Variants in SUGCT observed in about 807,000 individuals in gnomAD.
SUGCT encodes succinyl-CoA:glutarate-CoA transferase, also known as succinyl-CoA:glutarate CoA-transferase.
A neutral mutation model predicts 55.0 loss-of-function variants in SUGCT; 41 were observed. That is an observed-to-expected ratio of 0.74 (90% CI 0.58 to 0.97). The LOEUF is 0.97. SUGCT is among the 50% of genes least tolerant of loss of function. The pLI is 0.00. For synonymous variants in SUGCT, 187 were observed against 200.4 expected (o/e 0.93, Z 0.56); for missense variants, 568 against 547.8 (o/e 1.04, Z -0.37).
intron 13 of SUGCT, among the ~76,000 whole-genome samples, chr7:40,851,495 A>T (rs1230384102): frequency 6.6e-6 from 1 of 152,144 alleles, no homozygotes; most frequent in Non-Finnish European, 1.5e-5. Context: ...CATTTTGTCT[A>T]CTGCCAGCTC....
intron 9 of SUGCT, among the ~76,000 whole-genome samples, chr7:40,440,869 G>A (rs568343645): frequency 1.3e-5 from 2 of 151,946 alleles, no homozygotes; most frequent in Non-Finnish European, 2.9e-5. Context: ...ATGTGAGGAG[G>A]ATCTCTTAAA....
chr7:40,461,114 AG>A (rs1434368730), intron 11 of SUGCT, among the ~76,000 whole-genome samples: 1 of 152,226 alleles, frequency 6.6e-6, no homozygotes, highest in Non-Finnish European at 1.5e-5. Flanking sequence ...CCTCCACGGT[AG>A]TTCAAATAGT....
chr7:40,399,179 A>G (rs1785925224), intron 9 of SUGCT, among the ~76,000 whole-genome samples: 1 of 152,154 alleles, frequency 6.6e-6, no homozygotes. Flanking sequence ...GCAGGATGGT[A>G]TTTATACTAA....
the SUGCT span, among the ~76,000 whole-genome samples, chr7:40,899,836 T>C: frequency 6.6e-6 from 1 of 152,190 alleles, no homozygotes; most frequent in African/African-American, 2.4e-5. Context: ...AATTGAGTCT[T>C]TAACCTGCCA....
intron 6 of SUGCT, among the ~76,000 whole-genome samples, chr7:40,228,417 T>G (rs1043001866): frequency 1.3e-5 from 2 of 152,170 alleles, no homozygotes; most frequent in African/African-American, 4.8e-5. Flanking sequence ...TCTGTTGTGT[T>G]TTTTGATTTT....
At chr7:40,931,127 A>G in the SUGCT span, among the ~76,000 whole-genome samples, 1 of 152,214 alleles carries the variant, frequency 6.6e-6, no homozygotes, top group Non-Finnish European at 1.5e-5. Flanking sequence ...AGTTTTTAGC[A>G]TGAAGGGCAG....
chr7:40,939,547 CTGT>C, the SUGCT span, among the ~76,000 whole-genome samples: 2,317 of 152,258 alleles, frequency 0.015, 55 homozygotes, highest in African/African-American at 0.051. Context: ...ATGCCAACAT[CTGT>C]TGTTTTTTGA....
chr7:40,613,293 C>G (rs1469394770), intron 12 of SUGCT, among the ~76,000 whole-genome samples: 1 of 152,098 alleles, frequency 6.6e-6, no homozygotes, highest in South Asian at 2.1e-4. Context: ...CAGCTGGAGT[C>G]GCTAAAAGGG....
chr7:40,951,585 G>A, the SUGCT span, among the ~76,000 whole-genome samples: 6 of 151,718 alleles, frequency 4.0e-5, no homozygotes, highest in South Asian at 4.2e-4. Flanking sequence ...TCTCTTGTGG[G>A]CATTTAGTGC....
At chr7:40,873,491 A>G in the SUGCT span, among the ~76,000 whole-genome samples, 1 of 152,190 alleles carries the variant, frequency 6.6e-6, no homozygotes. Flanking sequence ...CACCCATTCC[A>G]TGTCCACATT....
In SUGCT at chr7:40,845,793, T is replaced by C. The variant is rs151053765; in HGVS notation, c.1154-14523T>C. 3.9e-4 allele frequency among the ~76,000 whole-genome samples: 59 copies of C among 152,292 alleles called. 1 individual carries two copies. In the East Asian group the frequency reaches 0.011, roughly 29 times the overall value. ...TAATTTTCTTGATTCTCTCTTTGCT[T>C]GGAATATAACCGTCATTTGTGTGAT... On this transcript the variant is annotated intron_variant, in intron 13 of 13. Coordinates refer to ENST00000335693, the MANE Select transcript of SUGCT (RefSeq NM_001193313.2).
the SUGCT span, among the ~76,000 whole-genome samples, chr7:41,031,712 C>G: frequency 1.3e-5 from 2 of 152,148 alleles, no homozygotes; most frequent in African/African-American, 4.8e-5. Flanking sequence ...ATCATACTTA[C>G]CATTTCTCCT....
chr7:40,999,717 A>C, the SUGCT span, among the ~76,000 whole-genome samples: 1 of 152,252 alleles, frequency 6.6e-6, no homozygotes, highest in Non-Finnish European at 1.5e-5. Flanking sequence ...TTTCCTGGAG[A>C]GAGCAAGGCC....
At position 40,435,476 on chromosome 7, in the gene SUGCT, A is replaced by G. The variant is rs1788120600; in HGVS notation, c.817-13811A>G. Among the ~76,000 whole-genome samples, 4 of 152,142 alleles carry G rather than the reference A, an allele frequency of 2.6e-5. No homozygotes were observed. The South Asian group carries it at 8.3e-4, about 31-fold the overall frequency. On this transcript the variant is annotated intron_variant, in intron 9 of 13. Transcript: ENST00000335693. Reference sequence around the variant, plus strand: ...TATAATGTCTCATATTTCCTGAATTACCTGGGTTGCTGTGACACATTGACA... The same window carrying G: ...TATAATGTCTCATATTTCCTGAATTGCCTGGGTTGCTGTGACACATTGACA...
intron 12 of SUGCT, among the ~76,000 whole-genome samples, chr7:40,661,200 C>G (rs1375665479): frequency 1.3e-5 from 2 of 152,204 alleles, no homozygotes; most frequent in African/African-American, 4.8e-5. Context: ...TGACCTCAAT[C>G]TATAATTCTT....
chr7:40,323,762 A>C lies in SUGCT; in HGVS notation c.816+6907A>C, dbSNP rs1418538579. On this transcript the variant is annotated intron_variant, in intron 9 of 13. Coordinates refer to ENST00000335693, the MANE Select transcript of SUGCT (RefSeq NM_001193313.2). ...ACTGGCAAAATCCCAGTGCGGATAG[A>C]CTTAATAGTTCATCTATTCCTGGCC... is the stretch of plus-strand genomic sequence containing the variant. Among the ~76,000 whole-genome samples the C allele has an allele frequency of 2.6e-5, 4 of 152,266 alleles. No individual in the cohort carries two copies. In the South Asian group the frequency reaches 6.2e-4, roughly 24 times the overall value.
At chr7:40,786,240 C>T (rs1790006276) in intron 13 of SUGCT, among the ~76,000 whole-genome samples, 2 of 152,132 alleles carry the variant, frequency 1.3e-5, no homozygotes, top group Non-Finnish European at 1.5e-5. Flanking sequence ...GACAATAATA[C>T]ACTGATACCA....
At chr7:40,772,784 C>A (rs1318720076) in intron 13 of SUGCT, among the ~76,000 whole-genome samples, 1 of 152,080 alleles carries the variant, frequency 6.6e-6, no homozygotes, top group African/African-American at 2.4e-5. Context: ...GTGTACACCA[C>A]CACAACCAGC....
intron 6 of SUGCT, among the ~76,000 whole-genome samples, chr7:40,203,135 A>G (rs552725049): frequency 4.6e-5 from 7 of 152,294 alleles, no homozygotes; most frequent in Admixed American, 3.3e-4. Context: ...CTCCTCTCTT[A>G]TGACAGAATG....
Sources: allele counts gnomAD v4.1 joint callset (sites outside exome capture counted in the v4.1 genomes callset), GRCh38; gene constraint gnomAD v4.1.1; transcripts MANE v1.5; gene names NCBI Gene and HGNC (gene_info 2026-07-23, HGNC 2026-07-21).